Variants in LRP1B observed in about 807,000 individuals in gnomAD.
The protein encoded by LRP1B is low-density lipoprotein receptor-related protein 1B.
In LRP1B, 217 loss-of-function variants were observed where a neutral mutation model predicts 556.6. The observed-to-expected ratio is 0.39, with a 90% confidence interval of 0.35 to 0.44. The LOEUF is 0.44. Among genes scored for constraint, LRP1B ranks in the 20% least tolerant of loss-of-function variants. The pLI is 1.00. For synonymous variants in LRP1B, 2,047 were observed against 1,865.8 expected, an observed-to-expected ratio of 1.10 and a Z score of -2.50; for missense variants, 5,053 against 5,620.8, an observed-to-expected ratio of 0.90 and a Z score of 3.23.
chr2:141,076,471 G>C (rs755776239), intron 7 of LRP1B, among the ~76,000 whole-genome samples: 3 of 152,174 alleles, frequency 2.0e-5, no homozygotes, highest in African/African-American at 7.2e-5. Flanking sequence ...ATAATCACCA[G>C]GGGAGCTTGC....
intron 31 of LRP1B, among the ~76,000 whole-genome samples, chr2:140,837,615 C>T (rs1043818940): frequency 2.7e-5 from 4 of 150,108 alleles, no homozygotes; most frequent in African/African-American, 9.8e-5. Flanking sequence ...TAAAAATATA[C>T]TTGGTGAGTT....
intron 6 of LRP1B, among the ~76,000 whole-genome samples, chr2:141,190,961 G>A (rs1681476608): frequency 6.6e-6 from 1 of 151,892 alleles, no homozygotes; most frequent in Non-Finnish European, 1.5e-5. Context: ...TTCTCCCCTG[G>A]AGTAGGTCAT....
chr2:140,688,132 A>C (rs1686113932), intron 41 of LRP1B, among the ~76,000 whole-genome samples: 1 of 152,068 alleles, frequency 6.6e-6, no homozygotes, highest in Admixed American at 6.6e-5. Context: ...TATAAAAAAA[A>C]AATCAGCCAA....
At chr2:141,837,055 C>G (rs2105754217) in intron 1 of LRP1B, among the ~76,000 whole-genome samples, 1 of 151,966 alleles carries the variant, frequency 6.6e-6, no homozygotes, top group Admixed American at 6.6e-5. Flanking sequence ...GAGGGTTAAT[C>G]CAGAAAAATG....
intron 41 of LRP1B, among the ~76,000 whole-genome samples, chr2:140,679,997 G>A (rs1280559699): frequency 1.3e-5 from 2 of 151,808 alleles, no homozygotes; most frequent in Non-Finnish European, 2.9e-5. Context: ...TATCGTTAGT[G>A]TTAGTAAATT....
intron 66 of LRP1B, among the ~76,000 whole-genome samples, chr2:140,422,374 T>C (rs114940416): frequency 0.01 from 1,523 of 152,248 alleles, 30 homozygotes; most frequent in African/African-American, 0.035. Context: ...AATACAATGT[T>C]ATAGTACAAA....
chr2:141,086,870 C>G (rs1299821472), intron 7 of LRP1B, among the ~76,000 whole-genome samples: 1 of 152,088 alleles, frequency 6.6e-6, no homozygotes, highest in Non-Finnish European at 1.5e-5. Flanking sequence ...ACATACCAAT[C>G]ACCAGAAGAT....
rs79544702 is a variant in LRP1B at position 140,467,312 on chromosome 2, A to G, written c.9625+7826T>C. Among the ~76,000 whole-genome samples, 1,237 of 152,160 alleles carry G rather than the reference A, an allele frequency of 8.1e-3. 12 individuals are homozygous for G. The highest frequency in any genetic ancestry group is 0.028 in the African/African-American group (1,145 of 41,518). Reference sequence around the variant, plus strand: ...TATGTTGACACCTAATATCTCATATAACAGTATTAGGCCTGGTGCAGTGGC... The same window carrying G: ...TATGTTGACACCTAATATCTCATATGACAGTATTAGGCCTGGTGCAGTGGC... On this transcript the variant is annotated intron_variant, in intron 60 of 90. Transcript: ENST00000389484.
At chr2:142,116,980 C>T (rs560603617) in intron 1 of LRP1B, among the ~76,000 whole-genome samples, 6 of 152,228 alleles carry the variant, frequency 3.9e-5, no homozygotes, top group South Asian at 2.1e-4. Context: ...CTTCCCTTTG[C>T]TGTGTTTTTC....
At chr2:141,851,941 A>G (rs1022421100) in intron 1 of LRP1B, among the ~76,000 whole-genome samples, 1 of 151,738 alleles carries the variant, frequency 6.6e-6, no homozygotes, top group Non-Finnish European at 1.5e-5. Context: ...GATATAATCT[A>G]CAAAGTTCAA....
At chr2:141,235,974 C>T (rs971660531) in intron 5 of LRP1B, among the ~76,000 whole-genome samples, 1 of 151,940 alleles carries the variant, frequency 6.6e-6, no homozygotes, top group African/African-American at 2.4e-5. Flanking sequence ...AATGGGAAGC[C>T]AGTGTTAATT....
At chr2:140,527,845 T>C (rs1690502841) in intron 47 of LRP1B, among the ~76,000 whole-genome samples, 2 of 152,020 alleles carry the variant, frequency 1.3e-5, no homozygotes, top group East Asian at 1.9e-4. Context: ...TGTCTACTAG[T>C]AGTTTCTTAC....
At chr2:142,064,116 T>C (rs957915224) in intron 1 of LRP1B, among the ~76,000 whole-genome samples, 10 of 151,614 alleles carry the variant, frequency 6.6e-5, no homozygotes, top group South Asian at 2.1e-4. Flanking sequence ...AACTGAAATT[T>C]TGAACAATTT....
chr2:141,909,685 G>C (rs1292286678), intron 1 of LRP1B, among the ~76,000 whole-genome samples: 1 of 151,502 alleles, frequency 6.6e-6, no homozygotes, highest in Admixed American at 6.6e-5. Context: ...AGCAAGACAG[G>C]GAAAAACATA....
chr2:140,482,717 C>T (rs1469554637), intron 59 of LRP1B, among the ~76,000 whole-genome samples: 3 of 151,666 alleles, frequency 2.0e-5, no homozygotes, highest in African/African-American at 4.8e-5. Flanking sequence ...AAGAAAGGAC[C>T]CCCAAGACAT....
At chr2:141,235,391 G>A (rs1045634699) in intron 5 of LRP1B, among the ~76,000 whole-genome samples, 1 of 151,894 alleles carries the variant, frequency 6.6e-6, no homozygotes, top group East Asian at 1.9e-4. Flanking sequence ...TTTATAATCA[G>A]GTATGATATC....
rs575300231 is a variant in LRP1B at position 141,330,579 on chromosome 2, T to C, written c.344-75938A>G. ...TTTTCCTAACTCCAGATAACATATT[T>C]TTGAAAGCTCCTCAAGTCTCCACTC... On this transcript the variant is annotated intron_variant, in intron 3 of 90. Coordinates refer to ENST00000389484, the MANE Select transcript of LRP1B (RefSeq NM_018557.3). 2.0e-5 allele frequency among the ~76,000 whole-genome samples: 3 copies of C among 152,254 alleles called. No individual in the cohort carries two copies. In the South Asian group the frequency reaches 6.2e-4, roughly 32 times the overall value.
intron 52 of LRP1B, among the ~76,000 whole-genome samples, chr2:140,507,911 G>C (rs543682599): frequency 6.6e-6 from 1 of 152,088 alleles, no homozygotes; most frequent in African/African-American, 2.4e-5. Flanking sequence ...CTGTTTAATG[G>C]GGATAATAAA....
At chr2:140,492,122 A>T (rs1052863003) in intron 57 of LRP1B, among the ~76,000 whole-genome samples, 1 of 152,178 alleles carries the variant, frequency 6.6e-6, no homozygotes, top group Non-Finnish European at 1.5e-5. Context: ...AGGAAGACTA[A>T]AGAATCCAAC....
Sources: gnomAD v4.1 joint callset for allele counts (sites outside exome capture counted in the v4.1 genomes callset) on GRCh38, gnomAD v4.1.1 for gene constraint, MANE v1.5 for transcripts, NCBI Gene and HGNC (gene_info 2026-07-23, HGNC 2026-07-21) for gene names.